PDSS2: variants seen among roughly 807,000 people sequenced by gnomAD.
PDSS2 encodes all trans-polyprenyl-diphosphate synthase PDSS2.
Under a neutral mutation model 44.5 loss-of-function variants are expected in PDSS2, and 31 were observed. That is an observed-to-expected ratio of 0.70 (90% CI 0.52 to 0.94). The LOEUF (loss-of-function observed/expected upper bound fraction) is 0.94, where lower values mean the gene tolerates loss of function less well. PDSS2 is among the 40% of genes least tolerant of loss of function. The pLI is 0.00. For synonymous variants in PDSS2, 157 were observed against 180.3 expected (o/e 0.87, Z 1.03); for missense variants, 452 against 482.2 (o/e 0.94, Z 0.59).
At chr6:107,211,011 T>A (rs972056120) in intron 5 of PDSS2, among the ~76,000 whole-genome samples, 2 of 150,832 alleles carry the variant, frequency 1.3e-5, no homozygotes, top group Non-Finnish European at 3.0e-5. Context: ...AAAAAAAAAA[T>A]TTCAGATGAT....
At chr6:107,161,882 T>A (rs1178762401) in intron 7 of PDSS2, among the ~76,000 whole-genome samples, 1 of 152,226 alleles carries the variant, frequency 6.6e-6, no homozygotes, top group African/African-American at 2.4e-5. Flanking sequence ...TGTCTGTGTG[T>A]GTGTTTTCTG....
At chr6:107,264,972 C>T (rs1775367210) in intron 3 of PDSS2, among the ~76,000 whole-genome samples, 1 of 152,158 alleles carries the variant, frequency 6.6e-6, no homozygotes, top group African/African-American at 2.4e-5. Context: ...AAAATAAAAA[C>T]TTGCCCTTAT....
chr6:107,410,392 G>A (rs1033504165), intron 1 of PDSS2, among the ~76,000 whole-genome samples: 6 of 152,120 alleles, frequency 3.9e-5, no homozygotes, highest in Middle Eastern at 3.2e-3. Flanking sequence ...GCATGTGCGC[G>A]CAGACACACA....
At chr6:107,160,485 C>A (rs901417818) in intron 7 of PDSS2, among the ~76,000 whole-genome samples, 4 of 151,748 alleles carry the variant, frequency 2.6e-5, no homozygotes, top group Non-Finnish European at 5.9e-5. Context: ...GTACCTGGGA[C>A]TACAGGGACC....
At chr6:107,179,562 G>A (rs1055372021) in intron 7 of PDSS2, among the ~76,000 whole-genome samples, 3 of 151,984 alleles carry the variant, frequency 2.0e-5, no homozygotes, top group Non-Finnish European at 4.4e-5. Context: ...CACAGCATCC[G>A]GCCTTAGCTA....
At chr6:107,430,203 A>G (rs1179986080) in intron 1 of PDSS2, among the ~76,000 whole-genome samples, 1 of 151,946 alleles carries the variant, frequency 6.6e-6, no homozygotes, top group Admixed American at 6.6e-5. Flanking sequence ...TTAACTTCAA[A>G]AGTTCTAAAA....
chr6:107,358,049 A>C (rs1348013668), intron 1 of PDSS2, among the ~76,000 whole-genome samples: 1 of 152,192 alleles, frequency 6.6e-6, no homozygotes, highest in Non-Finnish European at 1.5e-5. Context: ...CGCAATCCAA[A>C]AATTTTTGAG....
At chr6:107,382,480 A>C (rs1033539954) in intron 1 of PDSS2, among the ~76,000 whole-genome samples, 4 of 152,228 alleles carry the variant, frequency 2.6e-5, no homozygotes, top group African/African-American at 9.6e-5. Context: ...TAAAGACAGT[A>C]TAATAATGGC....
At chr6:107,294,641 A>T (rs1396594901) in intron 2 of PDSS2, among the ~76,000 whole-genome samples, 1 of 152,130 alleles carries the variant, frequency 6.6e-6, no homozygotes, top group African/African-American at 2.4e-5. Flanking sequence ...TATGTCCCAG[A>T]TATTCTGATT....
intron 5 of PDSS2, among the ~76,000 whole-genome samples, 171 bp from the exon 6 acceptor site, chr6:107,210,741 C>T (rs955081804): frequency 2.0e-5 from 3 of 152,114 alleles, no homozygotes; most frequent in Non-Finnish European, 2.9e-5. Context: ...CAGTGGCTTA[C>T]GCCTGTAATC....
chr6:107,205,078 A>G (rs1409971342), intron 6 of PDSS2, among the ~76,000 whole-genome samples: 1 of 152,210 alleles, frequency 6.6e-6, no homozygotes, highest in African/African-American at 2.4e-5. Context: ...TTAATGAGGA[A>G]TCTGCATGTG....
At chr6:107,214,836 T>G (rs1435317119) in intron 4 of PDSS2, among the ~76,000 whole-genome samples, 1 of 152,186 alleles carries the variant, frequency 6.6e-6, no homozygotes, top group African/African-American at 2.4e-5. Flanking sequence ...CAGACTGGTC[T>G]CAAACTCCTG....
At chr6:107,226,786 C>T (rs1032753496) in intron 4 of PDSS2, among the ~76,000 whole-genome samples, 19 of 151,518 alleles carry the variant, frequency 1.3e-4, no homozygotes, top group African/African-American at 9.7e-5. Context: ...TCTCCTGCCT[C>T]GGCCTCCTGA....
intron 3 of PDSS2, among the ~76,000 whole-genome samples, chr6:107,268,377 G>A (rs936159969): frequency 6.6e-6 from 1 of 151,748 alleles, no homozygotes; most frequent in African/African-American, 2.4e-5. Flanking sequence ...ACAAACAGCT[G>A]ATTTTATTAT....
chr6:107,201,085 C>T (rs1772754244), intron 6 of PDSS2, among the ~76,000 whole-genome samples: 1 of 152,062 alleles, frequency 6.6e-6, no homozygotes, highest in African/African-American at 2.4e-5. Context: ...CACTGTTCGT[C>T]CCCAGAAGCC....
At chr6:107,236,376 G>A (rs940091737) in intron 4 of PDSS2, among the ~76,000 whole-genome samples, 2 of 151,920 alleles carry the variant, frequency 1.3e-5, no homozygotes, top group African/African-American at 4.8e-5. Context: ...GCTGAGGCAG[G>A]AGAATTGTTT....
chr6:107,173,572 C>CAAAAAAAAAAAAAAAAAA (rs71012783), intron 7 of PDSS2, among the ~76,000 whole-genome samples: 11 of 41,512 alleles, frequency 2.6e-4, no homozygotes, highest in African/African-American at 1.4e-3. Context: ...GACTCTGTCT[C>CAAAAAAAAAAAAAAAAAA]AAAAAAAAAA....
chr6:107,179,530 C>T (rs564151445), intron 7 of PDSS2, among the ~76,000 whole-genome samples: 1 of 146,930 alleles, frequency 6.8e-6, no homozygotes, highest in African/African-American at 2.5e-5. Flanking sequence ...TCGCCCGCCT[C>T]GGCCTTCTTA....
intron 1 of PDSS2, among the ~76,000 whole-genome samples, chr6:107,421,287 C>G (rs1002049648): frequency 2.0e-5 from 3 of 152,176 alleles, no homozygotes; most frequent in Non-Finnish European, 4.4e-5. Context: ...TTGGCAATTT[C>G]TTATGAAATT....
Sources: gnomAD v4.1 joint callset for allele counts (sites outside exome capture counted in the v4.1 genomes callset) on GRCh38, gnomAD v4.1.1 for gene constraint, MANE v1.5 for transcripts, NCBI Gene and HGNC (gene_info 2026-07-23, HGNC 2026-07-21) for gene names.